The following RNF144B variants were observed in gnomAD, a reference collection of about 807,000 sequenced individuals.
The protein encoded by RNF144B is ring finger protein 144B, also known as E3 ubiquitin-protein ligase RNF144B.
RNF144B carries 25 observed loss-of-function variants against 40.2 expected under a neutral mutation model. The ratio of observed to expected loss-of-function variants is 0.62; its 90% confidence interval spans 0.45 to 0.87. RNF144B has a LOEUF of 0.87. Ranked by LOEUF, RNF144B falls within the 40% of genes least tolerant of loss-of-function variation. The pLI is 0.00. For synonymous variants in RNF144B, 145 were observed against 136.3 expected, an observed-to-expected ratio of 1.06 and a Z score of -0.44; for missense variants, 365 against 373.7, an observed-to-expected ratio of 0.98 and a Z score of 0.19.
Position 18,392,035 on chromosome 6 carries a change from TAAAAAAAA to T in RNF144B, c.-37+4425_-37+4432del, listed in dbSNP as rs10643409. Among the ~76,000 whole-genome samples the T allele has an allele frequency of 5.0e-3, 353 of 71,084 alleles. 6 individuals are homozygous for T. The highest frequency in any genetic ancestry group is 0.017 in the African/African-American group (331 of 18,942). 46.6% of individuals were successfully genotyped at this position (71,084 alleles called of 152,430 possible). On this transcript the variant is annotated intron_variant, in intron 1 of 7. Coordinates refer to ENST00000259939, the MANE Select transcript of RNF144B (RefSeq NM_182757.4). ...TAACATGGTGAAACCCCATCTCTAC[TAAAAAAAA>T]AAAAAAAAAAAAAAAAAAATTAGGT...
chr6:18,402,196 C>T lies in RNF144B; in HGVS notation c.165+2497C>T, dbSNP rs192113706. On this transcript the variant is annotated intron_variant, in intron 2 of 7. Coordinates refer to ENST00000259939, the MANE Select transcript of RNF144B (RefSeq NM_182757.4). ...TTTCCAAGATCACCACACTCCAATT[C>T]CAACTCTACCCCAACTCAGCTGTGT... 5 of 87,642 alleles carry T rather than the reference C, an allele frequency of 5.7e-5. 2 individuals are homozygous for T. In the Admixed American group the frequency reaches 5.9e-4, roughly 10 times the overall value. 5.4% of individuals were successfully genotyped at this position (87,642 alleles called of 1,614,324 possible).
intron 3 of RNF144B, among the ~76,000 whole-genome samples, chr6:18,430,214 T>A (rs1015132976): frequency 2.0e-5 from 3 of 152,214 alleles, no homozygotes; most frequent in African/African-American, 7.2e-5. Flanking sequence ...TAGTCAGTAA[T>A]TGCTGAGTGT....
chr6:18,437,921 T>G (rs1297063774), intron 3 of RNF144B, among the ~76,000 whole-genome samples: 2 of 152,194 alleles, frequency 1.3e-5, no homozygotes, highest in Non-Finnish European at 2.9e-5. Flanking sequence ...AGGGGTTGAC[T>G]TTGAAGGATT....
intron 1 of RNF144B, among the ~76,000 whole-genome samples, chr6:18,393,044 C>T (rs1794617094): frequency 6.6e-6 from 1 of 151,242 alleles, no homozygotes. Context: ...TGGTGTGAAC[C>T]CAGGAGGCAG....
At chr6:18,436,685 T>C (rs1758830619) in intron 3 of RNF144B, among the ~76,000 whole-genome samples, 1 of 152,218 alleles carries the variant, frequency 6.6e-6, no homozygotes, top group African/African-American at 2.4e-5. Context: ...TCTAGGATTG[T>C]CAGGTGTAGC....
rs1758771649 is a variant in RNF144B, at chr6:18,434,490, TA to T, written c.271-5191del. Among the ~76,000 whole-genome samples the T allele has an allele frequency of 6.6e-6, 1 of 152,190 alleles. No individual in the cohort carries two copies. Among genetic ancestry groups the T allele is most frequent in the Non-Finnish European group, 1.5e-5 (1 of 68,024 alleles). ...TCTTGGTTGTGGACGTTAGAGAGAT[TA>T]AATCACAGTTGTGTGTAACAGTTAC... is the stretch of plus-strand genomic sequence containing the variant. On this transcript the variant is annotated intron_variant, in intron 3 of 7. Coordinates refer to ENST00000259939, the MANE Select transcript of RNF144B (RefSeq NM_182757.4). The surrounding 1 kb of genome is among the most constrained non-coding windows in gnomAD (Gnocchi z 4.1).
rs78442769 is a variant in RNF144B at position 18,429,623 on chromosome 6, T to C, written c.270+1938T>C. ...CCCTGTGGAGAGATATATTATTGAC[T>C]TTTGTAGGGTAAAAAGAGCTATAGT... On this transcript the variant is annotated intron_variant, in intron 3 of 7. Transcript: ENST00000259939. Among the ~76,000 whole-genome samples, 771 of 152,326 alleles carry C rather than the reference T, an allele frequency of 5.1e-3. 3 individuals carry two copies. The highest frequency in any genetic ancestry group is 0.017 in the Middle Eastern group (5 of 294).
rs1417199255 is a variant in RNF144B, at chr6:18,412,799, A to C, written c.165+13100A>C. 1.3e-5 allele frequency among the ~76,000 whole-genome samples: 2 copies of C among 152,190 alleles called. No individual in the cohort carries two copies. Among genetic ancestry groups the C allele is most frequent in the Non-Finnish European group, 2.9e-5 (2 of 68,032 alleles). ...CAGTGCCTCATTTCCATGGAAATAC[A>C]TGGCTCTGTGTTAACTGAAAGCCTC... is the stretch of plus-strand genomic sequence containing the variant. On this transcript the variant is annotated intron_variant, in intron 2 of 7. Coordinates refer to ENST00000259939, the MANE Select transcript of RNF144B (RefSeq NM_182757.4). The surrounding 1 kb of genome is among the most constrained non-coding windows in gnomAD (Gnocchi z 4.2).
chr6:18,411,688 C>T (rs1163338822), intron 2 of RNF144B, among the ~76,000 whole-genome samples: 4 of 151,046 alleles, frequency 2.6e-5, no homozygotes, highest in Non-Finnish European at 5.9e-5. Flanking sequence ...ATTTTTAGTA[C>T]AGAGGGGGTT....
Position 18,424,827 on chromosome 6 carries a change from T to G in RNF144B, c.166-2754T>G, listed in dbSNP as rs574098931. Among the ~76,000 whole-genome samples the G allele has an allele frequency of 1.8e-4, 27 of 152,284 alleles. 2 individuals are homozygous for G. In the South Asian group the frequency reaches 5.4e-3, roughly 30 times the overall value. ...CACCTGGGATATTCTGTTACAAATA[T>G]CTGTTCTGTCTACACAGCTTCTCCA... is the stretch of plus-strand genomic sequence containing the variant. On this transcript the variant is annotated intron_variant, in intron 2 of 7. Transcript: ENST00000259939.
rs750358882 is a variant in RNF144B at position 18,459,581 on chromosome 6, C to A, written c.537-26C>A. The A allele has an allele frequency of 6.2e-7, 1 of 1,608,078 alleles. No individual in the cohort carries two copies. The highest frequency in any genetic ancestry group is 1.7e-5 in the Admixed American group (1 of 59,816). On this transcript the variant is annotated intron_variant, in intron 5 of 7. Coordinates refer to ENST00000259939, the MANE Select transcript of RNF144B (RefSeq NM_182757.4). The surrounding 1 kb of genome is among the most constrained non-coding windows in gnomAD (Gnocchi z 4.2). Reference sequence around the variant, plus strand: ...TCAACTGATGACCATCAGCTGAATGCCATTTCTCATCCATTTTGTTTCTAG... The same window carrying A: ...TCAACTGATGACCATCAGCTGAATGACATTTCTCATCCATTTTGTTTCTAG...
Position 18,458,539 on chromosome 6 carries a change from A to G in RNF144B, c.537-1068A>G, listed in dbSNP as rs1012229373. On this transcript the variant is annotated intron_variant, in intron 5 of 7. Coordinates refer to ENST00000259939, the MANE Select transcript of RNF144B (RefSeq NM_182757.4). The surrounding 1 kb of genome is among the most constrained non-coding windows in gnomAD (Gnocchi z 4.8). ...AGCCGGATTCAAACCACTGTTGCCT[A>G]CATTTTCGTGGCCATAGCAGGAAGC... 1.3e-5 allele frequency among the ~76,000 whole-genome samples: 2 copies of G among 152,184 alleles called. No individual in the cohort carries two copies. Among genetic ancestry groups the G allele is most frequent in the African/African-American group, 4.8e-5 (2 of 41,460 alleles).
rs1457363834 is a variant in RNF144B, at chr6:18,465,646, A to G, written c.*579A>G. 1 of 152,562 alleles carries G rather than the reference A, an allele frequency of 6.6e-6. No homozygotes were observed. The highest frequency in any genetic ancestry group is 2.4e-5 in the African/African-American group (1 of 41,472). The allele number at this position is 152,562 out of a possible 1,614,324, so 9.5% of individuals were successfully genotyped here. On this transcript the variant is annotated 3_prime_UTR_variant, in exon 8 of 8. Transcript: ENST00000259939. ...CCCCATGTTCCCGCTGTGATTTGGC[A>G]GAAACACAATAGGCTTCTCCTTGTG...
chr6:18,413,810 A>G (rs1795093966), intron 2 of RNF144B, among the ~76,000 whole-genome samples: 1 of 152,232 alleles, frequency 6.6e-6, no homozygotes. Context: ...ATGGAAAAAA[A>G]TATTATAGCT....
chr6:18,430,676 G>A (rs1484368761), intron 3 of RNF144B, among the ~76,000 whole-genome samples: 1 of 150,030 alleles, frequency 6.7e-6, no homozygotes, highest in African/African-American at 2.5e-5. Flanking sequence ...TTTTTTTAAA[G>A]AGAGGGTCTC....
At chr6:18,415,538 C>T (rs1028145571) in intron 2 of RNF144B, among the ~76,000 whole-genome samples, 11 of 152,224 alleles carry the variant, frequency 7.2e-5, no homozygotes, top group African/African-American at 2.2e-4. Context: ...GTGGGGTCTT[C>T]GTGACTTAAT....
At chr6:18,445,743 A>G (rs7742118) in intron 4 of RNF144B, among the ~76,000 whole-genome samples, 18,996 of 152,132 alleles carry the variant, frequency 0.12, 1,361 homozygotes, top group Admixed American at 0.19. Context: ...AAAGCTACAT[A>G]ATGTTTTCAT....
At position 18,443,109 on chromosome 6, in the gene RNF144B, A is replaced by T. The variant is rs2113519223; in HGVS notation, c.331+3365A>T. On this transcript the variant is annotated intron_variant, in intron 4 of 7. Coordinates refer to ENST00000259939, the MANE Select transcript of RNF144B (RefSeq NM_182757.4). This position sits in a 1 kb window ranked among gnomAD's most constrained non-coding sequence, Gnocchi z 4.7. ...AGTTTTTGAGGAACTGCCAAATTGT[A>T]AAACCCTATAATTTAAATATAAATT... is the stretch of plus-strand genomic sequence containing the variant. Among the ~76,000 whole-genome samples, 1 of 152,326 alleles carries T rather than the reference A, an allele frequency of 6.6e-6. No homozygotes were observed. Among genetic ancestry groups the T allele is most frequent in the African/African-American group, 2.4e-5 (1 of 41,578 alleles).
intron 3 of RNF144B, among the ~76,000 whole-genome samples, chr6:18,436,525 T>C (rs911087081): frequency 1.3e-5 from 2 of 152,118 alleles, no homozygotes; most frequent in Non-Finnish European, 2.9e-5. Context: ...TAGGGGAAGT[T>C]GGGGGAATGG....
Sources: allele counts gnomAD v4.1 joint callset (sites outside exome capture counted in the v4.1 genomes callset), GRCh38; gene constraint gnomAD v4.1.1; non-coding constraint Gnocchi (gnomAD v3.1); transcripts MANE v1.5; gene names NCBI Gene and HGNC (gene_info 2026-07-23, HGNC 2026-07-21).